Variants in CADM2 observed in about 807,000 individuals in gnomAD.
The protein encoded by CADM2 is immunoglobulin superfamily member 4D.
CADM2 carries 12 observed loss-of-function variants against 49.8 expected under a neutral mutation model. The observed-to-expected ratio is 0.24, with a 90% CI of 0.15 to 0.39. The LOEUF is 0.39. Ranked by LOEUF, CADM2 falls within the 10% of genes least tolerant of loss-of-function variation. The probability of loss-of-function intolerance (pLI) is 1.00; values close to 1 mark genes in which losing one functional copy is unlikely to be tolerated. For missense variants in CADM2, 378 were observed against 492.3 expected (o/e 0.77, Z 2.20); for synonymous variants, 214 against 175.4 (o/e 1.22, Z -1.74).
intron 1 of CADM2, among the ~76,000 whole-genome samples, chr3:85,383,633 A>T (rs2107364271): frequency 6.7e-6 from 1 of 149,360 alleles, no homozygotes; most frequent in Non-Finnish European, 1.5e-5. Context: ...TCTCCATTGG[A>T]ATTCTCATTC....
chr3:85,377,161 A>T (rs2033640063), intron 1 of CADM2, among the ~76,000 whole-genome samples: 1 of 152,108 alleles, frequency 6.6e-6, no homozygotes, highest in Non-Finnish European at 1.5e-5. Flanking sequence ...ATACATATTT[A>T]TGCGACCTTC....
chr3:85,518,991 A>G (rs943688022), intron 1 of CADM2, among the ~76,000 whole-genome samples: 1 of 152,186 alleles, frequency 6.6e-6, no homozygotes, highest in East Asian at 1.9e-4. Flanking sequence ...AGAAAGTTAT[A>G]CTATATTTTT....
In CADM2 at chr3:85,481,590, C is replaced by A. The variant is rs778231335; in HGVS notation, c.62-244932C>A. ...TGGTAAAGCTTTTGTGATTCCCAGC[C>A]ATAAACACCGGGTGAGGGGTTGGGG... On this transcript the variant is annotated intron_variant, in intron 1 of 9. Coordinates refer to ENST00000383699, the MANE Select transcript of CADM2 (RefSeq NM_001167675.2). Among the ~76,000 whole-genome samples the A allele has an allele frequency of 4.6e-5, 7 of 151,588 alleles. 1 individual carries two copies. Among genetic ancestry groups the A allele is most frequent in the Non-Finnish European group, 1.0e-4 (7 of 67,694 alleles).
intron 1 of CADM2, among the ~76,000 whole-genome samples, chr3:85,467,592 T>C (rs2107602030): frequency 6.6e-6 from 1 of 151,158 alleles, no homozygotes; most frequent in East Asian, 1.9e-4. Flanking sequence ...CTACAGGACA[T>C]AAAAATTAAA....
intron 1 of CADM2, among the ~76,000 whole-genome samples, chr3:85,402,051 A>G (rs1054743003): frequency 6.6e-6 from 1 of 152,212 alleles, no homozygotes; most frequent in Non-Finnish European, 1.5e-5. Flanking sequence ...ATTCATAGAA[A>G]TACGTTATTT....
rs919075516 is a variant in CADM2, at chr3:84,993,311, C to T, written c.61+33643C>T. ...TGACAAAAGGGATTTAGCGTATTAA[C>T]TGGAATATTTTGATGCCCATTGCTA... On this transcript the variant is annotated intron_variant, in intron 1 of 9. Coordinates refer to ENST00000383699, the MANE Select transcript of CADM2 (RefSeq NM_001167675.2). Among the ~76,000 whole-genome samples, 11 of 152,210 alleles carry T rather than the reference C, an allele frequency of 7.2e-5. No homozygotes were observed. In the East Asian group the frequency reaches 1.9e-3, roughly 27 times the overall value.
intron 3 of CADM2, among the ~76,000 whole-genome samples, chr3:85,847,905 A>G (rs2074947139): frequency 6.6e-6 from 1 of 151,920 alleles, no homozygotes; most frequent in African/African-American, 2.4e-5. Context: ...CTAGCCACCT[A>G]TTTTTTTCTA....
chr3:85,584,071 T>G (rs1265856255), intron 1 of CADM2, among the ~76,000 whole-genome samples: 5 of 152,066 alleles, frequency 3.3e-5, no homozygotes, highest in Non-Finnish European at 7.4e-5. Context: ...TATGCAAAAA[T>G]TTTATTTGTA....
At chr3:85,300,850 T>C (rs1415214144) in intron 1 of CADM2, among the ~76,000 whole-genome samples, 1 of 151,936 alleles carries the variant, frequency 6.6e-6, no homozygotes. Context: ...TTTTTTCATA[T>C]TTGGAATTTT....
chr3:85,871,258 G>A (rs1453459077), intron 3 of CADM2, among the ~76,000 whole-genome samples: 2 of 152,086 alleles, frequency 1.3e-5, no homozygotes, highest in Admixed American at 1.3e-4. Flanking sequence ...TATGCACATG[G>A]CCAAAACATA....
intron 1 of CADM2, among the ~76,000 whole-genome samples, chr3:84,968,458 ACT>A (rs1305377197): frequency 1.3e-5 from 2 of 152,012 alleles, no homozygotes; most frequent in African/African-American, 2.4e-5. Context: ...CTGTAAGTTC[ACT>A]GTCATGTATT....
intron 1 of CADM2, among the ~76,000 whole-genome samples, chr3:85,558,349 C>A (rs1033717281): frequency 4.0e-5 from 6 of 151,864 alleles, no homozygotes; most frequent in African/African-American, 1.5e-4. Context: ...ATACTAAGTA[C>A]CTTATTTGGG....
intron 5 of CADM2, among the ~76,000 whole-genome samples, chr3:85,905,042 G>C (rs1041244123): frequency 1.3e-5 from 2 of 152,008 alleles, no homozygotes; most frequent in African/African-American, 4.8e-5. Context: ...AGATTTAACA[G>C]CTAGGTATAT....
intron 1 of CADM2, among the ~76,000 whole-genome samples, chr3:85,615,491 C>A (rs2063777971): frequency 6.6e-6 from 1 of 151,898 alleles, no homozygotes; most frequent in Non-Finnish European, 1.5e-5. Flanking sequence ...AAAATGGAAT[C>A]AAATTCATTC....
rs138802885 is a variant in CADM2 at position 85,653,221 on chromosome 3, A to G, written c.62-73301A>G. Among the ~76,000 whole-genome samples the G allele has an allele frequency of 1.2e-3, 183 of 151,052 alleles. 1 individual carries two copies. Among genetic ancestry groups the G allele is most frequent in the African/African-American group, 4.3e-3 (176 of 41,074 alleles). ...AGAACGAGAATATTAGGATAATTAC[A>G]TAAGTTGCTGGCTTTTACTGTGAGC... On this transcript the variant is annotated intron_variant, in intron 1 of 9. Transcript: ENST00000383699.
At chr3:85,143,344 C>G (rs538221563) in intron 1 of CADM2, among the ~76,000 whole-genome samples, 2 of 152,134 alleles carry the variant, frequency 1.3e-5, no homozygotes, top group East Asian at 3.9e-4. Context: ...AAAAATTAAT[C>G]AGGCATCGTG....
chr3:85,703,102 T>G (rs935550939), intron 1 of CADM2, among the ~76,000 whole-genome samples: 1 of 152,218 alleles, frequency 6.6e-6, no homozygotes, highest in Non-Finnish European at 1.5e-5. Flanking sequence ...ATTATATGTA[T>G]GTTTTCAAGA....
At chr3:85,615,761 C>G (rs1390280857) in intron 1 of CADM2, among the ~76,000 whole-genome samples, 2 of 151,714 alleles carry the variant, frequency 1.3e-5, no homozygotes, top group Non-Finnish European at 2.9e-5. Context: ...CCCTATAGAT[C>G]TGAAGACCTC....
chr3:85,217,774 C>T (rs2041961600), intron 1 of CADM2, among the ~76,000 whole-genome samples: 1 of 151,938 alleles, frequency 6.6e-6, no homozygotes, highest in African/African-American at 2.4e-5. Flanking sequence ...CCATAAGAAA[C>T]TGGGTTTAAT....
Sources: gnomAD v4.1 joint callset for allele counts (sites outside exome capture counted in the v4.1 genomes callset) on GRCh38, gnomAD v4.1.1 for gene constraint, MANE v1.5 for transcripts, NCBI Gene and HGNC (gene_info 2026-07-23, HGNC 2026-07-21) for gene names.